STXBP6: variants seen among roughly 807,000 people sequenced by gnomAD.
STXBP6 encodes the protein syntaxin binding protein 6, also known as syntaxin-binding protein 6.
A neutral mutation model predicts 26.9 loss-of-function variants in STXBP6; 21 were observed. That is an observed-to-expected ratio of 0.78 (90% CI 0.55 to 1.12). STXBP6 has a LOEUF of 1.12. Ranked by LOEUF, STXBP6 falls within the 50% of genes most tolerant of loss-of-function variation. The pLI, the probability that STXBP6 is intolerant of heterozygous loss-of-function variation, is 0.00. For missense variants in STXBP6, 232 were observed against 257.9 expected, an observed-to-expected ratio of 0.90 and a Z score of 0.69; for synonymous variants, 97 against 92.6, an observed-to-expected ratio of 1.05 and a Z score of -0.27.
At chr14:24,945,139 A>ATTTTTTTTTTTTTTTTTTTTTTTT (rs552562019) in intron 2 of STXBP6, among the ~76,000 whole-genome samples, 8 of 100,716 alleles carry the variant, frequency 7.9e-5, no homozygotes, top group African/African-American at 2.2e-4. Flanking sequence ...CCAATTAGGA[A>ATTTTTTTTTTTTTTTTTTTTTTTT]TTTTTTTTTT....
intron 2 of STXBP6, among the ~76,000 whole-genome samples, chr14:24,881,914 A>T (rs548611339): frequency 6.6e-6 from 1 of 152,264 alleles, no homozygotes; most frequent in Admixed American, 6.5e-5. Context: ...ATTTGCCAAA[A>T]ATTGGAGGCC....
At chr14:24,942,868 C>T (rs1236515119) in intron 2 of STXBP6, among the ~76,000 whole-genome samples, 2 of 152,152 alleles carry the variant, frequency 1.3e-5, no homozygotes, top group Non-Finnish European at 2.9e-5. Flanking sequence ...GGTACACCTA[C>T]TAGCAGGAAG....
In STXBP6 at chr14:24,829,898, A is replaced by G. The variant is rs77967600; in HGVS notation, c.452-10704T>C. ...GTAAAAAATACGTTATAATAAAAAAACTGAATTGCTGAAACACAATAATTT... is the reference window on the plus strand; with the variant it reads ...GTAAAAAATACGTTATAATAAAAAAGCTGAATTGCTGAAACACAATAATTT... On this transcript the variant is annotated intron_variant, in intron 4 of 5. Transcript: ENST00000323944. Among the ~76,000 whole-genome samples, 116 of 152,264 alleles carry G rather than the reference A, an allele frequency of 7.6e-4. 3 individuals are homozygous for G. In the East Asian group the frequency reaches 0.021, roughly 27 times the overall value.
At chr14:24,903,741 G>A (rs1157126833) in intron 2 of STXBP6, among the ~76,000 whole-genome samples, 3 of 152,144 alleles carry the variant, frequency 2.0e-5, no homozygotes, top group Non-Finnish European at 2.9e-5. Flanking sequence ...TAAAAACCCA[G>A]TTTAAAGCAA....
chr14:25,030,508 T>C (rs750388555), intron 1 of STXBP6, among the ~76,000 whole-genome samples: 1 of 152,156 alleles, frequency 6.6e-6, no homozygotes, highest in Admixed American at 6.5e-5. Context: ...AAGACACTAT[T>C]CCCTCAAGGG....
At chr14:25,047,827 T>C (rs903518132) in intron 1 of STXBP6, among the ~76,000 whole-genome samples, 1 of 152,218 alleles carries the variant, frequency 6.6e-6, no homozygotes, top group Non-Finnish European at 1.5e-5. Flanking sequence ...TTTGAGTCCT[T>C]AGTTCAAGGT....
intron 4 of STXBP6, among the ~76,000 whole-genome samples, chr14:24,847,211 C>T (rs565898560): frequency 1.3e-5 from 2 of 152,272 alleles, no homozygotes; most frequent in South Asian, 2.1e-4. Flanking sequence ...TGAGAATTTA[C>T]AGCTTCTCTT....
chr14:24,953,538 T>C (rs1298601837), intron 2 of STXBP6, among the ~76,000 whole-genome samples: 1 of 152,202 alleles, frequency 6.6e-6, no homozygotes, highest in Non-Finnish European at 1.5e-5. Flanking sequence ...GCTTTCCGCA[T>C]GTCCCCAGGA....
At chr14:24,816,734 G>A (rs1454306790) in intron 5 of STXBP6, 1 of 152,036 alleles carries the variant, frequency 6.6e-6, no homozygotes, top group Non-Finnish European at 1.5e-5. Context: ...GCTGATCTGT[G>A]TTTAGATAGT....
chr14:24,871,714 G>A (rs2069942920), intron 2 of STXBP6, among the ~76,000 whole-genome samples: 1 of 152,210 alleles, frequency 6.6e-6, no homozygotes, highest in Admixed American at 6.5e-5. Flanking sequence ...TGGAGAGCTT[G>A]TGATAAGAAT....
chr14:24,931,357 C>T (rs977995381), intron 2 of STXBP6, among the ~76,000 whole-genome samples: 4 of 151,576 alleles, frequency 2.6e-5, no homozygotes, highest in Non-Finnish European at 4.4e-5. Flanking sequence ...GCAGATTGTG[C>T]ACATGTACCC....
At chr14:24,814,477 T>C (rs1267346210) in intron 5 of STXBP6, among the ~76,000 whole-genome samples, 1 of 152,252 alleles carries the variant, frequency 6.6e-6, no homozygotes, top group East Asian at 1.9e-4. Flanking sequence ...TTTCAACTAA[T>C]GGGCTTGTGC....
intron 1 of STXBP6, among the ~76,000 whole-genome samples, chr14:24,975,486 T>G (rs1361938932): frequency 6.6e-6 from 1 of 152,216 alleles, no homozygotes; most frequent in East Asian, 1.9e-4. Context: ...CTAGTTACCA[T>G]GCTCTGTACC....
intron 2 of STXBP6, among the ~76,000 whole-genome samples, chr14:24,957,598 G>A (rs892348307): frequency 3.3e-5 from 5 of 152,172 alleles, no homozygotes; most frequent in African/African-American, 4.8e-5. Context: ...GAATGATGAC[G>A]GAACTACCAT....
chr14:24,847,045 A>G (rs139092318), intron 4 of STXBP6, among the ~76,000 whole-genome samples: 167 of 152,282 alleles, frequency 1.1e-3, no homozygotes, highest in African/African-American at 3.5e-3. Flanking sequence ...TGAAGATTAT[A>G]TTCTCATCTG....
At chr14:25,036,488 A>C (rs2075554924) in intron 1 of STXBP6, among the ~76,000 whole-genome samples, 1 of 152,180 alleles carries the variant, frequency 6.6e-6, no homozygotes, top group African/African-American at 2.4e-5. Flanking sequence ...TACTGTACAC[A>C]AAAGAACATT....
intron 4 of STXBP6, among the ~76,000 whole-genome samples, chr14:24,844,373 A>G (rs1012122018): frequency 2.0e-5 from 3 of 152,176 alleles, no homozygotes; most frequent in African/African-American, 4.8e-5. Context: ...CGAGGAAGAG[A>G]TCATGGGAAC....
chr14:24,832,699 A>G (rs2068491389), intron 4 of STXBP6, among the ~76,000 whole-genome samples: 1 of 152,244 alleles, frequency 6.6e-6, no homozygotes, highest in African/African-American at 2.4e-5. Flanking sequence ...ACTATCAATT[A>G]CATAGAGGAG....
intron 2 of STXBP6, among the ~76,000 whole-genome samples, chr14:24,863,009 A>T (rs1008723517): frequency 6.6e-6 from 1 of 152,132 alleles, no homozygotes; most frequent in East Asian, 1.9e-4. Context: ...GTACTTTTAA[A>T]ATCTAGTCCC....
Sources: gnomAD v4.1 joint callset for allele counts (sites outside exome capture counted in the v4.1 genomes callset) on GRCh38, gnomAD v4.1.1 for gene constraint, MANE v1.5 for transcripts, NCBI Gene and HGNC (gene_info 2026-07-23, HGNC 2026-07-21) for gene names.